Variants in LDLRAD4 observed in about 807,000 individuals in gnomAD.
LDLRAD4 encodes low density lipoprotein receptor class A domain containing 4.
LDLRAD4 carries 5 observed loss-of-function variants against 17.0 expected under a neutral mutation model. The observed-to-expected ratio is 0.29, with a 90% confidence interval of 0.15 to 0.62. The LOEUF (loss-of-function observed/expected upper bound fraction) is 0.62. Among genes scored for constraint, LDLRAD4 ranks in the 20% least tolerant of loss-of-function variants. The pLI is 0.84. For synonymous variants in LDLRAD4, 168 were observed against 171.8 expected, an observed-to-expected ratio of 0.98 and a Z score of 0.17; for missense variants, 340 against 424.7, an observed-to-expected ratio of 0.80 and a Z score of 1.75.
chr18:13,507,164 A>T (rs2093707145), intron 3 of LDLRAD4, among the ~76,000 whole-genome samples: 1 of 152,152 alleles, frequency 6.6e-6, no homozygotes, highest in Admixed American at 6.5e-5. Flanking sequence ...TTTAATTTTA[A>T]TTTTTAAAAT....
intron 3 of LDLRAD4, among the ~76,000 whole-genome samples, chr18:13,527,417 C>T (rs934724957): frequency 1.3e-5 from 2 of 152,202 alleles, no homozygotes; most frequent in African/African-American, 4.8e-5. Flanking sequence ...GGAGACCGGG[C>T]CCTTATGGTG....
At chr18:13,516,915 T>G (rs1025051732) in intron 3 of LDLRAD4, among the ~76,000 whole-genome samples, 3 of 152,174 alleles carry the variant, frequency 2.0e-5, no homozygotes, top group African/African-American at 7.2e-5. Flanking sequence ...AGTGGCACAA[T>G]CCTAGATCAC....
chr18:13,552,412 T>C (rs2094443775), intron 3 of LDLRAD4, among the ~76,000 whole-genome samples: 1 of 152,236 alleles, frequency 6.6e-6, no homozygotes, highest in Non-Finnish European at 1.5e-5. Context: ...TCCTCTGCCT[T>C]AGCTGGACCT....
intron 1 of LDLRAD4, among the ~76,000 whole-genome samples, chr18:13,291,102 G>C (rs528639295): frequency 6.6e-6 from 1 of 152,324 alleles, no homozygotes; most frequent in South Asian, 2.1e-4. Context: ...TGGAGTTTGG[G>C]CCTCTGAGTC....
At chr18:13,293,878 G>T (rs556810315) in intron 1 of LDLRAD4, among the ~76,000 whole-genome samples, 8 of 152,232 alleles carry the variant, frequency 5.3e-5, no homozygotes, top group African/African-American at 1.7e-4. Context: ...TCCAGAAAAC[G>T]CTTTGTTCCT....
intron 3 of LDLRAD4, among the ~76,000 whole-genome samples, chr18:13,473,058 A>G (rs1378782990): frequency 1.3e-5 from 2 of 152,204 alleles, no homozygotes; most frequent in Non-Finnish European, 2.9e-5. Context: ...TTATGGGAAT[A>G]CACTGAGAAC....
chr18:13,600,134 T>C lies in LDLRAD4; in HGVS notation c.182-20983T>C, dbSNP rs182602560. On this transcript the variant is annotated intron_variant, in intron 3 of 5. Transcript: ENST00000359446. The stretch of plus-strand genomic sequence containing the variant: ...ACCTGTAATTTTATTATACAATTTT[T>C]AATAATATGCTTGCCTCAAATGTTT... 1.3e-3 allele frequency among the ~76,000 whole-genome samples: 199 copies of C among 152,352 alleles called. 1 individual carries two copies. Among genetic ancestry groups the C allele is most frequent in the African/African-American group, 4.5e-3 (189 of 41,582 alleles).
intron 3 of LDLRAD4, among the ~76,000 whole-genome samples, chr18:13,541,934 G>C (rs2094289676): frequency 6.6e-6 from 1 of 152,154 alleles, no homozygotes; most frequent in African/African-American, 2.4e-5. Context: ...AAATTAGTGG[G>C]GTGTGGTGGT....
At chr18:13,227,602 G>GTAATTTA (rs1354586303) in intron 1 of LDLRAD4, among the ~76,000 whole-genome samples, 1 of 152,174 alleles carries the variant, frequency 6.6e-6, no homozygotes, top group African/African-American at 2.4e-5. Flanking sequence ...CCGAGACTGG[G>GTAATTTA]TAATTTATAA....
At chr18:13,608,133 A>G (rs2095242417) in intron 3 of LDLRAD4, among the ~76,000 whole-genome samples, 1 of 142,692 alleles carries the variant, frequency 7.0e-6, no homozygotes, top group Non-Finnish European at 1.5e-5. Flanking sequence ...TCAAAAGAAG[A>G]CATTTATGCA....
At chr18:13,226,896 G>A (rs2041839809) in intron 1 of LDLRAD4, among the ~76,000 whole-genome samples, 2 of 152,190 alleles carry the variant, frequency 1.3e-5, no homozygotes, top group South Asian at 4.1e-4. Context: ...TTTAGGGGTA[G>A]CCTTGAACTT....
At chr18:13,229,879 A>T in intron 1 of LDLRAD4, among the ~76,000 whole-genome samples, 1 of 152,206 alleles carries the variant, frequency 6.6e-6, no homozygotes, top group East Asian at 1.9e-4. Context: ...ACAGAGGAAG[A>T]TGTGAGTAGA....
At chr18:13,511,257 G>A (rs142712865) in intron 3 of LDLRAD4, among the ~76,000 whole-genome samples, 477 of 152,256 alleles carry the variant, frequency 3.1e-3, no homozygotes, top group African/African-American at 0.011. Context: ...ACACAGGGCC[G>A]GGCACAGTGG....
At position 13,643,348 on chromosome 18, in the gene LDLRAD4, C is replaced by CTGAA. The variant is rs1568447406; in HGVS notation, c.337-11_337-10insTGAA. 2.0e-6 allele frequency: 3 copies of CTGAA among 1,470,312 alleles called. No individual in the cohort carries two copies. The highest frequency in any genetic ancestry group is 9.1e-7 in the Non-Finnish European group (1 of 1,104,676). The allele number at this position is 1,470,312 out of a possible 1,614,324, so 91.1% of individuals were successfully genotyped here. A position where few individuals can be genotyped will look rare whatever the true frequency, so the allele number is the denominator to read the frequency against. The stretch of plus-strand genomic sequence containing the variant: ...TGTTCCCCCCACTCTCCTCCCCTTC[C>CTGAA]CCTCCGCCAGGAAGGGTGCCTGTGG... On this transcript the variant is annotated splice_polypyrimidine_tract_variant and intron_variant, in intron 4 of 5. Transcript: ENST00000359446.
At chr18:13,553,421 T>C (rs1466569460) in intron 3 of LDLRAD4, among the ~76,000 whole-genome samples, 1 of 152,200 alleles carries the variant, frequency 6.6e-6, no homozygotes, top group East Asian at 1.9e-4. Context: ...AAGAATGGTG[T>C]TCTTAAAATA....
At chr18:13,262,249 T>G (rs2043888725) in intron 1 of LDLRAD4, among the ~76,000 whole-genome samples, 2 of 135,622 alleles carry the variant, frequency 1.5e-5, no homozygotes, top group South Asian at 2.5e-4. Flanking sequence ...TGTGGCTCTG[T>G]GTGTGTGGAA....
At chr18:13,546,834 C>T (rs1257225216) in intron 3 of LDLRAD4, among the ~76,000 whole-genome samples, 5 of 152,132 alleles carry the variant, frequency 3.3e-5, no homozygotes, top group Admixed American at 2.6e-4. Context: ...GATGATGAAG[C>T]GGCACAGAAA....
chr18:13,279,638 C>T (rs568328632), intron 1 of LDLRAD4: 3 of 152,334 alleles, frequency 2.0e-5, no homozygotes, highest in South Asian at 2.1e-4. Flanking sequence ...GGTTACCTCA[C>T]TCATCAATTA....
intron 4 of LDLRAD4, among the ~76,000 whole-genome samples, chr18:13,629,313 C>T (rs1269359991): frequency 6.6e-6 from 1 of 152,136 alleles, no homozygotes. Flanking sequence ...GTGATCAAAC[C>T]AAATGATACA....
Sources: allele counts gnomAD v4.1 joint callset (sites outside exome capture counted in the v4.1 genomes callset), GRCh38; gene constraint gnomAD v4.1.1; transcripts MANE v1.5; gene names NCBI Gene and HGNC (gene_info 2026-07-23, HGNC 2026-07-21).